The following NLGN1 variants were observed in gnomAD, a reference collection of about 807,000 sequenced individuals.
NLGN1 encodes neuroligin 1.
Under a neutral mutation model 65.5 loss-of-function variants are expected in NLGN1, and 12 were observed. The ratio of observed to expected loss-of-function variants is 0.18; its 90% confidence interval spans 0.12 to 0.30. The LOEUF (loss-of-function observed/expected upper bound fraction) is 0.30. Ranked by LOEUF, NLGN1 falls within the 10% of genes least tolerant of loss-of-function variation. The pLI, the probability that NLGN1 is intolerant of heterozygous loss-of-function variation, is 1.00. For missense variants in NLGN1, 750 were observed against 1,007.1 expected, an observed-to-expected ratio of 0.74 and a Z score of 3.46; for synonymous variants, 350 against 359.5, an observed-to-expected ratio of 0.97 and a Z score of 0.30.
In NLGN1 at chr3:173,604,466, T is replaced by A; in HGVS notation, c.-133T>A. On this transcript the variant is annotated 5_prime_UTR_variant, in exon 3 of 7. Transcript: ENST00000457714. The stretch of plus-strand genomic sequence containing the variant: ...GGGAGATATCTGCTGTCTGAAGATC[T>A]TTCAGAGCTTTTCTCGACAAGCTCC... 4.2e-6 allele frequency: 4 copies of A among 948,322 alleles called. No homozygotes were observed. The South Asian group carries it at 6.4e-5, about 15-fold the overall frequency. 58.7% of individuals were successfully genotyped at this position (948,322 alleles called of 1,614,324 possible).
At chr3:173,712,646 G>C (rs1010393333) in intron 3 of NLGN1, among the ~76,000 whole-genome samples, 6 of 152,132 alleles carry the variant, frequency 3.9e-5, no homozygotes, top group African/African-American at 1.4e-4. Flanking sequence ...GAAGTGCCCA[G>C]AACAAGTAGT....
At chr3:173,634,335 T>C (rs1256119813) in intron 3 of NLGN1, among the ~76,000 whole-genome samples, 3 of 152,072 alleles carry the variant, frequency 2.0e-5, no homozygotes, top group Admixed American at 6.6e-5. Context: ...AATAAAATCT[T>C]CTCCAAGATC....
intron 4 of NLGN1, among the ~76,000 whole-genome samples, chr3:174,146,097 CTT>C (rs1340400894): frequency 1.5e-4 from 8 of 52,888 alleles, no homozygotes; most frequent in Non-Finnish European, 2.6e-4. Context: ...TACTCTTTTC[CTT>C]CCTTCCTTCC....
At chr3:173,601,318 C>T (rs1480367465) in intron 2 of NLGN1, among the ~76,000 whole-genome samples, 4 of 152,012 alleles carry the variant, frequency 2.6e-5, no homozygotes, top group African/African-American at 4.8e-5. Context: ...CCTTTTAGGG[C>T]CTTACCACAG....
At chr3:173,829,987 T>A (rs1345777139) in intron 4 of NLGN1, among the ~76,000 whole-genome samples, 1 of 130,822 alleles carries the variant, frequency 7.6e-6, no homozygotes, top group Non-Finnish European at 1.6e-5. Context: ...GGGTAGGTTA[T>A]AGAATTACAG....
At chr3:173,906,906 A>T (rs1380939186) in intron 4 of NLGN1, among the ~76,000 whole-genome samples, 1 of 151,572 alleles carries the variant, frequency 6.6e-6, no homozygotes, top group African/African-American at 2.4e-5. Flanking sequence ...AAGAAAGGGA[A>T]GTCCACGTTA....
intron 4 of NLGN1, among the ~76,000 whole-genome samples, chr3:173,871,784 C>T (rs1383719544): frequency 6.6e-6 from 1 of 152,090 alleles, no homozygotes; most frequent in Admixed American, 6.5e-5. Context: ...AGACAGAGGC[C>T]ATGGGAACAG....
chr3:173,478,998 AT>A (rs1254659093), intron 2 of NLGN1, among the ~76,000 whole-genome samples: 4 of 152,188 alleles, frequency 2.6e-5, no homozygotes, highest in African/African-American at 9.7e-5. Flanking sequence ...CAGGGTTGAT[AT>A]CAGTTGAAGA....
chr3:173,560,136 G>A (rs970092625), intron 2 of NLGN1, among the ~76,000 whole-genome samples: 8 of 151,764 alleles, frequency 5.3e-5, no homozygotes, highest in African/African-American at 1.9e-4. Flanking sequence ...GTAGAGACGG[G>A]GTTTCACCGC....
chr3:173,543,634 C>A (rs1739265508), intron 2 of NLGN1, among the ~76,000 whole-genome samples: 1 of 152,008 alleles, frequency 6.6e-6, no homozygotes, highest in South Asian at 2.1e-4. Flanking sequence ...AAGTGAAATT[C>A]TTGTAACAGT....
chr3:174,227,975 A>T (rs571182459), intron 4 of NLGN1, among the ~76,000 whole-genome samples: 36 of 152,142 alleles, frequency 2.4e-4, no homozygotes, highest in African/African-American at 6.5e-4. Context: ...TGCTTAAGTG[A>T]TTTTTAATAT....
chr3:173,848,894 C>T (rs1003905810), intron 4 of NLGN1, among the ~76,000 whole-genome samples: 4 of 152,024 alleles, frequency 2.6e-5, no homozygotes, highest in Admixed American at 6.6e-5. Flanking sequence ...TAATTACCTG[C>T]GATAGATTTC....
chr3:173,849,757 C>T (rs1726528440), intron 4 of NLGN1, among the ~76,000 whole-genome samples: 1 of 152,056 alleles, frequency 6.6e-6, no homozygotes, highest in African/African-American at 2.4e-5. Flanking sequence ...TGAGGCTCTT[C>T]ATAAATAAAA....
At chr3:173,819,694 A>G (rs139771640) in intron 4 of NLGN1, among the ~76,000 whole-genome samples, 428 of 152,208 alleles carry the variant, frequency 2.8e-3, no homozygotes, top group Non-Finnish European at 4.8e-3. Flanking sequence ...TACCAATCCT[A>G]CTTGTTATGG....
At chr3:173,770,000 G>C (rs910610882) in intron 3 of NLGN1, among the ~76,000 whole-genome samples, 13 of 152,090 alleles carry the variant, frequency 8.5e-5, no homozygotes, top group African/African-American at 3.1e-4. Flanking sequence ...AATTAATGGA[G>C]GCCCCTAAGC....
In NLGN1 at chr3:173,600,592, C is replaced by CTTTTTTTTTTTT. The variant is rs150984290; in HGVS notation, c.-320-3678_-320-3677insTTTTTTTTTTTT. On this transcript the variant is annotated intron_variant, in intron 2 of 6. Coordinates refer to ENST00000457714, the Ensembl canonical transcript of NLGN1. The stretch of plus-strand genomic sequence containing the variant: ...AAGCAAGGTAGAAATAAAAACATAT[C>CTTTTTTTTTTTT]TTTTTTTTTAGAAAAAGATATGTAA... Among the ~76,000 whole-genome samples the CTTTTTTTTTTTT allele has an allele frequency of 2.9e-4, 30 of 103,518 alleles. 4 individuals are homozygous for CTTTTTTTTTTTT. The highest frequency in any genetic ancestry group is 7.0e-3 in the Middle Eastern group (1 of 142). 67.9% of individuals were successfully genotyped at this position (103,518 alleles called of 152,430 possible). A position where few individuals can be genotyped will look rare whatever the true frequency, so the allele number is the denominator to read the frequency against.
intron 3 of NLGN1, among the ~76,000 whole-genome samples, chr3:173,697,928 A>G (rs1200035224): frequency 6.6e-6 from 1 of 152,014 alleles, no homozygotes; most frequent in African/African-American, 2.4e-5. Flanking sequence ...CTTTTTAGTA[A>G]TACATTAATT....
intron 3 of NLGN1, 104 bp from the exon 4 acceptor site, chr3:173,807,576 T>C: frequency 1.6e-6 from 2 of 1,284,520 alleles, no homozygotes; most frequent in Non-Finnish European, 2.2e-6. Context: ...TTAAGAACTA[T>C]ATTGAAATTA....
intron 3 of NLGN1, among the ~76,000 whole-genome samples, chr3:173,777,627 GTCTGTCTATCTA>G (rs1265087098): frequency 1.7e-4 from 2 of 11,866 alleles, no homozygotes; most frequent in Admixed American, 8.7e-4. Context: ...CTGTCTGTCT[GTCTGTCTATCTA>G]TCTATCTATC....
Sources: allele counts gnomAD v4.1 joint callset (sites outside exome capture counted in the v4.1 genomes callset), GRCh38; gene constraint gnomAD v4.1.1; transcripts MANE v1.5; gene names NCBI Gene and HGNC (gene_info 2026-07-23, HGNC 2026-07-21).